ERGIC1: variants seen among roughly 807,000 people sequenced by gnomAD.
ERGIC1 encodes endoplasmic reticulum-golgi intermediate compartment 1.
ERGIC1 carries 19 observed loss-of-function variants against 38.3 expected under a neutral mutation model. The observed-to-expected ratio is 0.50, with a 90% CI of 0.35 to 0.73. The LOEUF is 0.73. Ranked by LOEUF, ERGIC1 falls within the 30% of genes least tolerant of loss-of-function variation. The pLI is 0.01. For synonymous variants in ERGIC1, 124 were observed against 157.6 expected (o/e 0.79, Z 1.60); for missense variants, 294 against 389.2 (o/e 0.76, Z 2.06).
At position 172,929,151 on chromosome 5, in the gene ERGIC1, A is replaced by ATGTGTGTG. The variant is rs10647641; in HGVS notation, c.541+2583_541+2584insGTGTGTGT. Among the ~76,000 whole-genome samples, 265 of 140,018 alleles carry ATGTGTGTG rather than the reference A, an allele frequency of 1.9e-3. 3 individuals carry two copies. Among genetic ancestry groups the ATGTGTGTG allele is most frequent in the African/African-American group, 5.8e-3 (200 of 34,394 alleles). The allele number at this position is 140,018 out of a possible 152,430, so 91.9% of individuals were successfully genotyped here. ...ACATAATATGGGCTGTCATATATAT[A>ATGTGTGTG]TATGTGTGTGTGTGTGTGTGTATAT... On this transcript the variant is annotated intron_variant, in intron 7 of 9. Coordinates refer to ENST00000393784, the MANE Select transcript of ERGIC1 (RefSeq NM_001031711.3).
chr5:172,875,098 G>C (rs1762112204), intron 1 of ERGIC1, among the ~76,000 whole-genome samples: 1 of 152,196 alleles, frequency 6.6e-6, no homozygotes, highest in African/African-American at 2.4e-5. Context: ...GTGGCAGAAA[G>C]TCAAGGGCTT....
At chr5:172,836,967 C>G (rs187754957) in intron 1 of ERGIC1, among the ~76,000 whole-genome samples, 19 of 152,280 alleles carry the variant, frequency 1.2e-4, no homozygotes, top group Non-Finnish European at 2.1e-4. Flanking sequence ...GGGATTTGAA[C>G]TTGGGGCTGT....
In ERGIC1 at chr5:172,865,621, C is replaced by T. The variant is rs1023316218; in HGVS notation, c.21-23078C>T. On this transcript the variant is annotated intron_variant, in intron 1 of 9. Coordinates refer to ENST00000393784, the MANE Select transcript of ERGIC1 (RefSeq NM_001031711.3). ...AGCTCCTGCATATGCCTCTTCCCAG[C>T]CAGCACCCCCACCACGGGGTGACCT... Among the ~76,000 whole-genome samples the T allele has an allele frequency of 1.2e-4, 19 of 152,274 alleles. No individual in the cohort carries two copies. The East Asian group carries it at 3.7e-3, about 29-fold the overall frequency.
intron 9 of ERGIC1, among the ~76,000 whole-genome samples, chr5:172,945,939 C>T (rs982357319): frequency 1.3e-5 from 2 of 152,332 alleles, no homozygotes; most frequent in Admixed American, 1.3e-4. Flanking sequence ...CTACCTTGGC[C>T]TCCCAAAGTG....
At position 172,896,014 on chromosome 5, in the gene ERGIC1, G is replaced by A. The variant is rs190548095; in HGVS notation, c.83-988G>A. On this transcript the variant is annotated intron_variant, in intron 2 of 9. Transcript: ENST00000393784. ...TGAGAGAAAGACAACAGACATGGCCGACCCCAGAACTCTGTTCTACACTCT... is the reference window on the plus strand; with the variant it reads ...TGAGAGAAAGACAACAGACATGGCCAACCCCAGAACTCTGTTCTACACTCT... Among the ~76,000 whole-genome samples, 13 of 152,104 alleles carry A rather than the reference G, an allele frequency of 8.5e-5. No individual in the cohort carries two copies. The East Asian group carries it at 1.2e-3, about 14-fold the overall frequency.
intron 5 of ERGIC1, 167 bp downstream of exon 5, chr5:172,915,005 TG>T (rs1763324261): frequency 9.0e-6 from 10 of 1,110,120 alleles, no homozygotes; most frequent in Non-Finnish European, 1.3e-5. Flanking sequence ...AGAATCTGGA[TG>T]GGGGTCCAGG....
Position 172,924,790 on chromosome 5 carries a change from G to T in ERGIC1, c.480+681G>T, listed in dbSNP as rs563208472. Among the ~76,000 whole-genome samples the T allele has an allele frequency of 5.9e-5, 9 of 152,212 alleles. No homozygotes were observed. The East Asian group carries it at 1.7e-3, about 29-fold the overall frequency. ...AAAAATGTACAGAACTTAGCTTAGG[G>T]CCCATCCATCCATTCATTTTCTGTC... On this transcript the variant is annotated intron_variant, in intron 6 of 9. Coordinates refer to ENST00000393784, the MANE Select transcript of ERGIC1 (RefSeq NM_001031711.3).
chr5:172,877,458 ATTTTTT>A (rs56384349), intron 1 of ERGIC1, among the ~76,000 whole-genome samples: 1,030 of 86,604 alleles, frequency 0.012, 11 homozygotes, highest in Non-Finnish European at 0.016. Flanking sequence ...ATATATATAT[ATTTTTT>A]TTTTTTTTTT....
chr5:172,896,572 G>T (rs552181422), intron 2 of ERGIC1, among the ~76,000 whole-genome samples: 1 of 152,326 alleles, frequency 6.6e-6, no homozygotes, highest in South Asian at 2.1e-4. Context: ...GGGAACAAGG[G>T]TGAGATGTTC....
At chr5:172,888,562 G>A in intron 1 of ERGIC1, 137 bp from the exon 2 acceptor site, 1 of 735,266 alleles carries the variant, frequency 1.4e-6, no homozygotes, top group Non-Finnish European at 2.5e-6. Flanking sequence ...TGGAGAAAGT[G>A]TCCTGAAAGA....
chr5:172,922,494 G>C (rs1042372881), intron 5 of ERGIC1: 1 of 152,582 alleles, frequency 6.6e-6, no homozygotes, highest in African/African-American at 2.4e-5. Flanking sequence ...ATGGGGGCCA[G>C]GGTGCTCTTT....
In ERGIC1 at chr5:172,914,764, A is replaced by T. The variant is rs763895300; in HGVS notation, c.301A>T (p.Ile101Phe). ...GATGGGCAGGCACGAAGTGGGCCAC[A>T]TCGACAACTCCATGAAGATCCCGCT... ...DEMGRHEVGH[I>F]DNSMKIPLNN... The change falls in exon 5 of 10, where the codon ATC becomes TTC. Residue 101 changes from isoleucine to phenylalanine, a missense_variant. This residue lies in a region of ERGIC1 where 163 missense variants were observed against 225.8 expected (regional missense o/e 0.72). Coordinates refer to ENST00000393784, the MANE Select transcript of ERGIC1 (RefSeq NM_001031711.3). 6.2e-7 allele frequency: 1 copy of T among 1,614,192 alleles called. No individual in the cohort carries two copies. Among genetic ancestry groups the T allele is most frequent in the South Asian group, 1.1e-5 (1 of 91,084 alleles).
At chr5:172,848,365 G>A (rs1190500945) in intron 1 of ERGIC1, among the ~76,000 whole-genome samples, 1 of 152,084 alleles carries the variant, frequency 6.6e-6, no homozygotes, top group Non-Finnish European at 1.5e-5. Context: ...AAAGTAGATG[G>A]GGCGATAGAG....
intron 1 of ERGIC1, among the ~76,000 whole-genome samples, chr5:172,841,105 G>A (rs1761148672): frequency 6.6e-6 from 1 of 152,212 alleles, no homozygotes; most frequent in African/African-American, 2.4e-5. Flanking sequence ...ATCCTTTAAG[G>A]AAGTGGCAAT....
intron 5 of ERGIC1, chr5:172,920,414 G>T: frequency 1.4e-6 from 1 of 717,814 alleles, no homozygotes; most frequent in African/African-American, 1.7e-5. Flanking sequence ...GAGCAGCAGC[G>T]GCAGCCTCAC....
intron 4 of ERGIC1, among the ~76,000 whole-genome samples, chr5:172,912,510 C>G (rs956172981): frequency 2.6e-5 from 4 of 152,118 alleles, no homozygotes; most frequent in Admixed American, 2.6e-4. Context: ...GCCTCAGCCT[C>G]CTGAGTAGCT....
chr5:172,863,374 C>T (rs1761768099), intron 1 of ERGIC1, among the ~76,000 whole-genome samples: 1 of 152,214 alleles, frequency 6.6e-6, no homozygotes, highest in Non-Finnish European at 1.5e-5. Context: ...ATCACTTCTT[C>T]TGTGGGTGAT....
At chr5:172,899,791 A>C (rs1445552508) in intron 3 of ERGIC1, among the ~76,000 whole-genome samples, 1 of 152,222 alleles carries the variant, frequency 6.6e-6, no homozygotes, top group Non-Finnish European at 1.5e-5. Flanking sequence ...ACAAGAACTA[A>C]AGCAGGGCAG....
intron 1 of ERGIC1, among the ~76,000 whole-genome samples, chr5:172,878,785 C>T (rs904934484): frequency 6.6e-6 from 1 of 152,100 alleles, no homozygotes; most frequent in Non-Finnish European, 1.5e-5. Flanking sequence ...CATTTGCCTT[C>T]GTGCCCCCCA....
Sources: gnomAD v4.1 joint callset for allele counts (sites outside exome capture counted in the v4.1 genomes callset) on GRCh38, gnomAD v4.1.1 for gene constraint, gnomAD v4.1.1 regional missense constraint, MANE v1.5 for transcripts, NCBI Gene and HGNC (gene_info 2026-07-23, HGNC 2026-07-21) for gene names.